Variants in SSBP2 observed in about 807,000 individuals in gnomAD.
SSBP2 encodes single-stranded DNA-binding protein 2.
Under a neutral mutation model 61.8 loss-of-function variants are expected in SSBP2, and 17 were observed. The observed-to-expected ratio is 0.28, with a 90% CI of 0.19 to 0.41. The LOEUF (loss-of-function observed/expected upper bound fraction) is 0.41, where lower values mean the gene tolerates loss of function less well. Among genes scored for constraint, SSBP2 ranks in the 10% least tolerant of loss-of-function variants. The pLI, the probability that SSBP2 is intolerant of heterozygous loss-of-function variation, is 1.00. For synonymous variants in SSBP2, 139 were observed against 141.3 expected, an observed-to-expected ratio of 0.98 and a Z score of 0.12; for missense variants, 310 against 458.7, an observed-to-expected ratio of 0.68 and a Z score of 2.96.
chr5:81,573,583 T>C (rs1332284245), intron 4 of SSBP2, among the ~76,000 whole-genome samples: 1 of 152,232 alleles, frequency 6.6e-6, no homozygotes, highest in African/African-American at 2.4e-5. Flanking sequence ...CTCACTCCCT[T>C]GGTTGGTTTA....
Position 81,419,821 on chromosome 5 carries a change from T to C in SSBP2, c.*683A>G, listed in dbSNP as rs1304913550. ...TAAAAATTAAAAAAATACTTTTCAC[T>C]GAAGGTAACTGAGAAATTGTTTGAT... On this transcript the variant is annotated 3_prime_UTR_variant, in exon 17 of 17. Transcript: ENST00000320672. The C allele has an allele frequency of 6.6e-6, 1 of 152,240 alleles. No individual in the cohort carries two copies. Among genetic ancestry groups the C allele is most frequent in the Non-Finnish European group, 1.5e-5 (1 of 68,040 alleles). 9.4% of individuals were successfully genotyped at this position (152,240 alleles called of 1,614,324 possible). A position where few individuals can be genotyped will look rare whatever the true frequency, so the allele number is the denominator to read the frequency against.
At chr5:81,438,480 T>C (rs1024159170) in intron 14 of SSBP2, among the ~76,000 whole-genome samples, 6 of 152,148 alleles carry the variant, frequency 3.9e-5, no homozygotes, top group Non-Finnish European at 8.8e-5. Flanking sequence ...AAAAATAATA[T>C]AACATTTTAG....
intron 6 of SSBP2, among the ~76,000 whole-genome samples, chr5:81,488,176 G>A (rs1213918092): frequency 6.7e-6 from 1 of 150,148 alleles, no homozygotes; most frequent in Non-Finnish European, 1.5e-5. Context: ...ATGCTGTAAT[G>A]AACATGGGAA....
intron 4 of SSBP2, among the ~76,000 whole-genome samples, chr5:81,607,116 T>C (rs560044206): frequency 6.6e-6 from 1 of 152,308 alleles, no homozygotes; most frequent in South Asian, 2.1e-4. Flanking sequence ...ATTTGGGCTT[T>C]TGTCCATAAT....
chr5:81,555,114 T>G (rs1772492777), intron 4 of SSBP2, among the ~76,000 whole-genome samples: 1 of 152,098 alleles, frequency 6.6e-6, no homozygotes, highest in African/African-American at 2.4e-5. Flanking sequence ...TTTGCCTTGT[T>G]TAAAGAAATA....
intron 2 of SSBP2, among the ~76,000 whole-genome samples, chr5:81,637,184 T>G (rs934663953): frequency 6.6e-6 from 1 of 152,166 alleles, no homozygotes; most frequent in Non-Finnish European, 1.5e-5. Context: ...GGGCAATATC[T>G]CTCTTCAGAG....
At chr5:81,574,724 C>T (rs1368670535) in intron 4 of SSBP2, among the ~76,000 whole-genome samples, 6 of 151,730 alleles carry the variant, frequency 4.0e-5, no homozygotes, top group Non-Finnish European at 5.9e-5. Flanking sequence ...ACTGCATGTA[C>T]AAGACTGACA....
chr5:81,646,125 G>A (rs1749244269), intron 2 of SSBP2, among the ~76,000 whole-genome samples: 1 of 152,094 alleles, frequency 6.6e-6, no homozygotes, highest in South Asian at 2.1e-4. Flanking sequence ...GTTCCAGTTG[G>A]CCTTCTCGCA....
intron 6 of SSBP2, among the ~76,000 whole-genome samples, chr5:81,483,648 T>C (rs986763138): frequency 1.3e-5 from 2 of 152,104 alleles, no homozygotes; most frequent in Non-Finnish European, 2.9e-5. Flanking sequence ...TTAGGTGCTT[T>C]CAACACCACT....
intron 1 of SSBP2, among the ~76,000 whole-genome samples, chr5:81,709,128 G>GT (rs1754600558): frequency 6.6e-6 from 1 of 151,938 alleles, no homozygotes; most frequent in Non-Finnish European, 1.5e-5. Context: ...CTTGAAAGCT[G>GT]TATTTGCAAA....
intron 1 of SSBP2, among the ~76,000 whole-genome samples, chr5:81,746,217 GGTTT>G (rs1209003862): frequency 6.6e-6 from 1 of 151,778 alleles, no homozygotes; most frequent in Admixed American, 6.6e-5. Context: ...TAAAAATAGG[GGTTT>G]TTTTGATACT....
At chr5:81,744,971 T>C (rs1581467074) in intron 1 of SSBP2, among the ~76,000 whole-genome samples, 1 of 152,136 alleles carries the variant, frequency 6.6e-6, no homozygotes, top group African/African-American at 2.4e-5. Context: ...CCAGGCTGAT[T>C]TGAGTCCAGA....
At position 81,466,957 on chromosome 5, in the gene SSBP2, G is replaced by A; in HGVS notation, c.638+17C>T. 6.6e-7 allele frequency: 1 copy of A among 1,517,630 alleles called. No individual in the cohort carries two copies. The highest frequency in any genetic ancestry group is 9.1e-7 in the Non-Finnish European group (1 of 1,096,668). The allele number at this position is 1,517,630 out of a possible 1,614,324, so 94.0% of individuals were successfully genotyped here. A position where few individuals can be genotyped will look rare whatever the true frequency, so the allele number is the denominator to read the frequency against. Reference sequence around the variant, plus strand: ...TCATCCACGTAATAATGTAGTATATGATATAACATTGCTTACATGTTCATT... The same window carrying A: ...TCATCCACGTAATAATGTAGTATATAATATAACATTGCTTACATGTTCATT... On this transcript the variant is annotated intron_variant, in intron 9 of 16. Coordinates refer to ENST00000320672, the MANE Select transcript of SSBP2 (RefSeq NM_012446.5).
chr5:81,552,263 T>C (rs1316792817), intron 4 of SSBP2, among the ~76,000 whole-genome samples: 1 of 152,194 alleles, frequency 6.6e-6, no homozygotes, highest in Non-Finnish European at 1.5e-5. Flanking sequence ...TTAGAATAAA[T>C]ATCTATAGTT....
chr5:81,559,815 A>G (rs991445777), intron 4 of SSBP2, among the ~76,000 whole-genome samples: 1 of 152,044 alleles, frequency 6.6e-6, no homozygotes, highest in Admixed American at 6.6e-5. Flanking sequence ...TAAACGTCAA[A>G]AAAACTAAAA....
intron 3 of SSBP2, among the ~76,000 whole-genome samples, chr5:81,624,791 A>T (rs2153638127): frequency 6.6e-6 from 1 of 152,310 alleles, no homozygotes; most frequent in African/African-American, 2.4e-5. Context: ...TTTAGAAAAT[A>T]ATGAGGCTAA....
At chr5:81,614,359 CAAAAAAAAAA>C (rs10659647) in intron 4 of SSBP2, among the ~76,000 whole-genome samples, 1 of 73,826 alleles carries the variant, frequency 1.4e-5, no homozygotes, top group Non-Finnish European at 2.5e-5. Context: ...GACTCCGTCT[CAAAAAAAAAA>C]AAAAAAAAAA....
At chr5:81,557,422 C>T (rs567605613) in intron 4 of SSBP2, among the ~76,000 whole-genome samples, 2 of 152,112 alleles carry the variant, frequency 1.3e-5, no homozygotes, top group East Asian at 1.9e-4. Flanking sequence ...TTTATGTAAG[C>T]GTTTTTTCTG....
intron 14 of SSBP2, among the ~76,000 whole-genome samples, chr5:81,438,886 G>C (rs1762836627): frequency 6.6e-6 from 1 of 152,204 alleles, no homozygotes; most frequent in African/African-American, 2.4e-5. Context: ...CATTAAGGTA[G>C]TCATTAGCTA....
Sources: gnomAD v4.1 joint callset for allele counts (sites outside exome capture counted in the v4.1 genomes callset) on GRCh38, gnomAD v4.1.1 for gene constraint, MANE v1.5 for transcripts, NCBI Gene and HGNC (gene_info 2026-07-23, HGNC 2026-07-21) for gene names.